The following MTMR3 variants were observed in gnomAD, a reference collection of about 807,000 sequenced individuals.
The protein encoded by MTMR3 is myotubularin related protein 3.
MTMR3 carries 32 observed loss-of-function variants against 132.4 expected under a neutral mutation model. The ratio of observed to expected loss-of-function variants is 0.24; its 90% CI spans 0.18 to 0.32. The LOEUF is 0.32. Ranked by LOEUF, MTMR3 falls within the 10% of genes least tolerant of loss-of-function variation. The probability of loss-of-function intolerance (pLI) is 1.00; values close to 1 mark genes in which losing one functional copy is unlikely to be tolerated. For missense variants in MTMR3, 1,216 were observed against 1,489.6 expected, an observed-to-expected ratio of 0.82 and a Z score of 3.02; for synonymous variants, 556 against 550.3, an observed-to-expected ratio of 1.01 and a Z score of -0.14.
At chr22:30,000,592 G>C (rs1601400815) in intron 8 of MTMR3, 1 of 152,096 alleles carries the variant, frequency 6.6e-6, no homozygotes, top group East Asian at 1.9e-4. Context: ...TTTGTGGCTA[G>C]CCGTCAGAGT....
At chr22:30,019,308 T>C (rs555513738) in intron 16 of MTMR3, 172 bp from the exon 17 acceptor site, 77 of 635,844 alleles carry the variant, frequency 1.2e-4, no homozygotes, top group Non-Finnish European at 1.9e-4. Context: ...GGAGGACTTG[T>C]TCCGGAGCTT....
chr22:29,990,690 C>T lies in MTMR3; in HGVS notation c.294-814C>T, dbSNP rs1470492711. On this transcript the variant is annotated intron_variant, in intron 6 of 19. Coordinates refer to ENST00000401950, the MANE Select transcript of MTMR3 (RefSeq NM_021090.4). ...GTACCTCCCTGTTTCAAGTGATTCT[C>T]GTGCCTCAGCCTTCTGAGAAGCTGG... is the stretch of plus-strand genomic sequence containing the variant. 3.3e-5 allele frequency: 5 copies of T among 152,178 alleles called. 1 individual carries two copies. The South Asian group carries it at 6.2e-4, about 19-fold the overall frequency. 9.4% of individuals were successfully genotyped at this position (152,178 alleles called of 1,614,324 possible).
At chr22:29,944,637 TC>T (rs972175280) in intron 1 of MTMR3, among the ~76,000 whole-genome samples, 1 of 152,222 alleles carries the variant, frequency 6.6e-6, no homozygotes, top group Non-Finnish European at 1.5e-5. Context: ...CTGTTCTTTT[TC>T]TTATTTCTGT....
intron 9 of MTMR3, chr22:30,004,728 G>A (rs2067241456): frequency 6.6e-6 from 1 of 152,212 alleles, no homozygotes; most frequent in Non-Finnish European, 1.5e-5. Context: ...ATGCAGACTG[G>A]GTTGCTGTAG....
chr22:29,952,698 A>G (rs558489570), intron 1 of MTMR3, among the ~76,000 whole-genome samples: 3 of 152,320 alleles, frequency 2.0e-5, no homozygotes. Flanking sequence ...CAGTAGCTGA[A>G]TGTAGCCATG....
At chr22:29,973,751 C>T (rs947859961) in intron 3 of MTMR3, among the ~76,000 whole-genome samples, 2 of 152,176 alleles carry the variant, frequency 1.3e-5, no homozygotes, top group Non-Finnish European at 1.5e-5. Flanking sequence ...AGGCGCTTGC[C>T]ACCACGCCCA....
chr22:29,919,387 A>G lies in MTMR3; in HGVS notation c.-138+36028A>G, dbSNP rs144878410. 3.3e-5 allele frequency among the ~76,000 whole-genome samples: 5 copies of G among 152,246 alleles called. 1 individual carries two copies. Among genetic ancestry groups the G allele is most frequent in the African/African-American group, 1.2e-4 (5 of 41,470 alleles). On this transcript the variant is annotated intron_variant, in intron 1 of 19. Transcript: ENST00000401950. Reference sequence around the variant, plus strand: ...ACTGTCCAATTTTATGTGCATTGAAAGCAAAAGCTAGCTGAGAAAGGAAAG... The same window carrying G: ...ACTGTCCAATTTTATGTGCATTGAAGGCAAAAGCTAGCTGAGAAAGGAAAG...
chr22:29,893,545 G>T lies in MTMR3; in HGVS notation c.-138+10186G>T, dbSNP rs567313034. ...CCTTTGTCATTCTCTCCAGTTTCTT[G>T]TACATATGGTTGACTTACTCAGCAG... On this transcript the variant is annotated intron_variant, in intron 1 of 19. Coordinates refer to ENST00000401950, the MANE Select transcript of MTMR3 (RefSeq NM_021090.4). Among the ~76,000 whole-genome samples the T allele has an allele frequency of 9.2e-5, 14 of 152,230 alleles. No individual in the cohort carries two copies. In the South Asian group the frequency reaches 2.9e-3, roughly 32 times the overall value.
At chr22:29,900,854 C>T (rs768862885) in intron 1 of MTMR3, among the ~76,000 whole-genome samples, 1 of 152,132 alleles carries the variant, frequency 6.6e-6, no homozygotes, top group Non-Finnish European at 1.5e-5. Context: ...GCTGGGACTA[C>T]AGGTGTGTGC....
chr22:29,946,197 G>C (rs2065950994), intron 1 of MTMR3, among the ~76,000 whole-genome samples: 1 of 152,146 alleles, frequency 6.6e-6, no homozygotes, highest in Admixed American at 6.5e-5. Context: ...TGGAAATAGA[G>C]TCAAATGGTT....
intron 2 of MTMR3, among the ~76,000 whole-genome samples, chr22:29,961,335 A>C (rs1310690750): frequency 6.6e-6 from 1 of 152,144 alleles, no homozygotes; most frequent in Non-Finnish European, 1.5e-5. Context: ...ATGTCTCACT[A>C]ATTGATGGAT....
Position 29,908,978 on chromosome 22 carries a change from TTTTC to T in MTMR3, c.-138+25623_-138+25626del, listed in dbSNP as rs780018294. 2.5e-3 allele frequency among the ~76,000 whole-genome samples: 243 copies of T among 97,742 alleles called. No homozygotes were observed. The Middle Eastern group carries it at 0.03, about 12-fold the overall frequency. The allele number at this position is 97,742 out of a possible 152,430, so 64.1% of individuals were successfully genotyped here. Reference sequence around the variant, plus strand: ...ATATGTTAATTTTTCTTTTCTTTTCTTTTCTTTTTTTTTTTTTGAGACAAATTCT... The same window carrying T: ...ATATGTTAATTTTTCTTTTCTTTTCTTTTTTTTTTTTTTGAGACAAATTCT... On this transcript the variant is annotated intron_variant, in intron 1 of 19. Coordinates refer to ENST00000401950, the MANE Select transcript of MTMR3 (RefSeq NM_021090.4).
At chr22:29,949,116 CACACACACACACACACACACACACACA>C (rs1450114538) in intron 1 of MTMR3, among the ~76,000 whole-genome samples, 18 of 31,008 alleles carry the variant, frequency 5.8e-4, no homozygotes, top group African/African-American at 3.3e-3. Flanking sequence ...CACACACACA[CACACACACACACACACACACACACACA>C]CCCCCCCCCC....
At chr22:29,991,719 T>C (rs1432777326) in intron 7 of MTMR3, 49 bp downstream of exon 7, 4 of 1,495,874 alleles carry the variant, frequency 2.7e-6, no homozygotes, top group Non-Finnish European at 3.6e-6. Flanking sequence ...ATCAAGCTAC[T>C]GATGGAGGTA....
At chr22:29,945,596 T>G (rs1478613670) in intron 1 of MTMR3, among the ~76,000 whole-genome samples, 2 of 151,778 alleles carry the variant, frequency 1.3e-5, no homozygotes, top group Non-Finnish European at 2.9e-5. Flanking sequence ...TCCCAGCTAC[T>G]TGGGAGGCTG....
At chr22:30,017,318 AG>A (rs1481412057) in intron 15 of MTMR3, 2 of 153,970 alleles carry the variant, frequency 1.3e-5, no homozygotes, top group Non-Finnish European at 2.9e-5. Context: ...TAGACCCTAA[AG>A]AAGTCAAAAG....
At chr22:29,974,296 A>G (rs1376921673) in intron 3 of MTMR3, among the ~76,000 whole-genome samples, 1 of 152,214 alleles carries the variant, frequency 6.6e-6, no homozygotes, top group African/African-American at 2.4e-5. Context: ...CACAGAAACT[A>G]TAATAAATTC....
chr22:29,928,460 C>T (rs111317522), intron 1 of MTMR3, among the ~76,000 whole-genome samples: 4,941 of 152,228 alleles, frequency 0.032, 280 homozygotes, highest in African/African-American at 0.11. Flanking sequence ...GCATGAGCCA[C>T]TGTGCCTGGC....
intron 7 of MTMR3, chr22:29,996,029 C>G (rs1396989901): frequency 6.6e-6 from 1 of 152,178 alleles, no homozygotes; most frequent in East Asian, 1.9e-4. Flanking sequence ...TAGCTGGGCA[C>G]AGTGTCTACC....
Sources: allele counts gnomAD v4.1 joint callset (sites outside exome capture counted in the v4.1 genomes callset), GRCh38; gene constraint gnomAD v4.1.1; transcripts MANE v1.5; gene names NCBI Gene and HGNC (gene_info 2026-07-23, HGNC 2026-07-21).